The following SPACA7 variants were observed in gnomAD, a reference collection of about 807,000 sequenced individuals.
SPACA7 encodes sperm acrosome associated 7.
A neutral mutation model predicts 26.3 loss-of-function variants in SPACA7; 19 were observed. The ratio of observed to expected loss-of-function variants is 0.72; its 90% CI spans 0.50 to 1.06. The LOEUF (loss-of-function observed/expected upper bound fraction) is 1.06, where lower values mean the gene tolerates loss of function less well. Among genes scored for constraint, SPACA7 ranks in the 50% least tolerant of loss-of-function variants. The pLI is 0.00. For missense variants in SPACA7, 211 were observed against 229.9 expected, an observed-to-expected ratio of 0.92 and a Z score of 0.53; for synonymous variants, 84 against 84.5, an observed-to-expected ratio of 0.99 and a Z score of 0.04.
rs1884995718 is a variant in SPACA7, at chr13:112,393,036, T to C, written c.110T>C (p.Ile37Thr). The change falls in exon 2 of 7, where the codon ATA becomes ACA. Residue 37 changes from isoleucine (I) to threonine (T), a missense_variant. By Grantham distance (89) the Ile-to-Thr change is moderately conservative. Transcript: ENST00000283550. ...RTVIPGSPTE[I>T]PFSSKQEDMS... ...TTCCTTCTAGGTTCACCTACTGAAA[T>C]ACCATTCAGTTCAAAACAGGAGGAT... is the stretch of plus-strand genomic sequence containing the variant. The C allele has an allele frequency of 6.2e-7, 1 of 1,612,138 alleles. No individual in the cohort carries two copies. The highest frequency in any genetic ancestry group is 8.5e-7 in the Non-Finnish European group (1 of 1,178,636).
chr13:112,406,343 C>T (rs1035951517), intron 5 of SPACA7, among the ~76,000 whole-genome samples: 12 of 152,164 alleles, frequency 7.9e-5, no homozygotes, highest in East Asian at 1.9e-4. Context: ...TGGAATCACA[C>T]GGTATTTGTC....
intron 5 of SPACA7, among the ~76,000 whole-genome samples, chr13:112,424,277 T>C (rs1429919991): frequency 2.0e-5 from 3 of 152,222 alleles, no homozygotes; most frequent in Non-Finnish European, 4.4e-5. Flanking sequence ...AGCATGAAGA[T>C]TCCCCTGTCA....
At chr13:112,432,304 T>A in intron 5 of SPACA7, 140 bp from the exon 6 acceptor site, 2 of 623,298 alleles carry the variant, frequency 3.2e-6, no homozygotes, top group Non-Finnish European at 5.8e-6. Context: ...CTCGAGAAGC[T>A]GCAGCACCTC....
chr13:112,396,597 T>A (rs1275915392), intron 2 of SPACA7, among the ~76,000 whole-genome samples: 1 of 152,192 alleles, frequency 6.6e-6, no homozygotes, highest in African/African-American at 2.4e-5. Context: ...GCCATTCAAA[T>A]GCATATCCAC....
chr13:112,383,324 C>T (rs566972732), intron 1 of SPACA7, among the ~76,000 whole-genome samples: 17 of 152,054 alleles, frequency 1.1e-4, no homozygotes, highest in South Asian at 4.1e-4. Context: ...TTAAGAAGCA[C>T]TAACAGCAAT....
At chr13:112,420,846 A>C (rs1031413847) in intron 5 of SPACA7, among the ~76,000 whole-genome samples, 1 of 152,182 alleles carries the variant, frequency 6.6e-6, no homozygotes, top group Admixed American at 6.5e-5. Context: ...GAAACACTTT[A>C]CATAGAAAAA....
At chr13:112,381,493 C>CAAAA (rs1884057942) in intron 1 of SPACA7, among the ~76,000 whole-genome samples, 2 of 142,664 alleles carry the variant, frequency 1.4e-5, no homozygotes, top group South Asian at 4.5e-4. Flanking sequence ...ACCCTGTCCC[C>CAAAA]CAAAAAAAAA....
rs572930352 is a variant in SPACA7, at chr13:112,417,485, GAT to G, written c.446-14956_446-14955del. ...TATAAGAAAAATAAGTGTATCCTCTGATATTTTTGGTTCTTTTTAATCTTACA... is the reference window on the plus strand; with the variant it reads ...TATAAGAAAAATAAGTGTATCCTCTGATTTTTGGTTCTTTTTAATCTTACA... On this transcript the variant is annotated intron_variant, in intron 5 of 6. Coordinates refer to ENST00000283550, the MANE Select transcript of SPACA7 (RefSeq NM_145248.5). Among the ~76,000 whole-genome samples, 514 of 152,186 alleles carry G rather than the reference GAT, an allele frequency of 3.4e-3. 3 individuals carry two copies. The highest frequency in any genetic ancestry group is 0.011 in the African/African-American group (460 of 41,540).
chr13:112,422,202 T>A (rs1163952644), intron 5 of SPACA7, among the ~76,000 whole-genome samples: 1 of 152,126 alleles, frequency 6.6e-6, no homozygotes, highest in Non-Finnish European at 1.5e-5. Flanking sequence ...AAAGGAAAAC[T>A]AGATCATTTT....
intron 1 of SPACA7, among the ~76,000 whole-genome samples, chr13:112,385,874 CA>C (rs1465660211): frequency 1.3e-5 from 2 of 152,134 alleles, no homozygotes; most frequent in African/African-American, 4.8e-5. Context: ...AATAGACAGA[CA>C]AAAGATTCAG....
intron 5 of SPACA7, among the ~76,000 whole-genome samples, chr13:112,402,763 T>C (rs1478483627): frequency 6.6e-6 from 1 of 152,198 alleles, no homozygotes; most frequent in Non-Finnish European, 1.5e-5. Flanking sequence ...ATAGTTTTTT[T>C]CTTTAGATCT....
intron 2 of SPACA7, among the ~76,000 whole-genome samples, chr13:112,393,709 C>G (rs148884497): frequency 0.011 from 1,652 of 152,368 alleles, 1 homozygote; most frequent in South Asian, 0.041. Flanking sequence ...CGAAGATGTG[C>G]TTTTCATTGT....
At chr13:112,426,401 T>C (rs1194016382) in intron 5 of SPACA7, among the ~76,000 whole-genome samples, 1 of 152,262 alleles carries the variant, frequency 6.6e-6, no homozygotes, top group African/African-American at 2.4e-5. Context: ...TGCCTTTATC[T>C]TTCTGTATAA....
chr13:112,424,295 C>T (rs1359921911), intron 5 of SPACA7, among the ~76,000 whole-genome samples: 3 of 152,208 alleles, frequency 2.0e-5, no homozygotes, highest in African/African-American at 4.8e-5. Flanking sequence ...TCACTGCCGT[C>T]ATTTCAATTC....
chr13:112,406,855 C>T (rs959528323), intron 5 of SPACA7, among the ~76,000 whole-genome samples: 5 of 152,172 alleles, frequency 3.3e-5, no homozygotes, highest in African/African-American at 1.2e-4. Flanking sequence ...CTCAGCTCTT[C>T]ACCAAGAGGA....
intron 1 of SPACA7, among the ~76,000 whole-genome samples, chr13:112,391,846 A>G (rs966928441): frequency 1.3e-5 from 2 of 152,180 alleles, no homozygotes; most frequent in African/African-American, 4.8e-5. Flanking sequence ...AGAGAACTGT[A>G]CTTTGTTTGT....
At chr13:112,422,701 G>A (rs750663825) in intron 5 of SPACA7, among the ~76,000 whole-genome samples, 13 of 152,172 alleles carry the variant, frequency 8.5e-5, no homozygotes, top group Non-Finnish European at 1.8e-4. Flanking sequence ...AACCCAATGC[G>A]CAAAGAAGTC....
At chr13:112,424,071 G>A (rs902535239) in intron 5 of SPACA7, among the ~76,000 whole-genome samples, 1 of 152,218 alleles carries the variant, frequency 6.6e-6, no homozygotes, top group African/African-American at 2.4e-5. Context: ...GGAGAAGCAA[G>A]ATGCAGGAGG....
intron 1 of SPACA7, among the ~76,000 whole-genome samples, chr13:112,381,641 G>A (rs1017063773): frequency 1.3e-5 from 2 of 152,204 alleles, no homozygotes; most frequent in Non-Finnish European, 2.9e-5. Flanking sequence ...CAGGAGACCA[G>A]AGTTTTATTA....
Sources: allele counts gnomAD v4.1 joint callset (sites outside exome capture counted in the v4.1 genomes callset), GRCh38; gene constraint gnomAD v4.1.1; transcripts MANE v1.5; gene names NCBI Gene and HGNC (gene_info 2026-07-23, HGNC 2026-07-21).